FAM193A: variants seen among roughly 807,000 people sequenced by gnomAD.
FAM193A encodes family with sequence similarity 193 member A.
In FAM193A, 22 loss-of-function variants were observed where a neutral mutation model predicts 126.5. That is an observed-to-expected ratio of 0.17 (90% CI 0.12 to 0.25). The LOEUF (loss-of-function observed/expected upper bound fraction) is 0.25, where lower values mean the gene tolerates loss of function less well. FAM193A is among the 10% of genes least tolerant of loss of function. FAM193A has a pLI of 1.00. For synonymous variants in FAM193A, 761 were observed against 646.8 expected, an observed-to-expected ratio of 1.18 and a Z score of -2.68; for missense variants, 1,675 against 1,672.8, an observed-to-expected ratio of 1.00 and a Z score of -0.02.
rs187048054 is a variant in FAM193A at position 2,575,759 on chromosome 4, C to T, written c.256-20325C>T. ...GGGATTACAGACGTGAGCCATCGCGCCCGGCGAGATACTGGGATTGTAACA... is the reference window on the plus strand; with the variant it reads ...GGGATTACAGACGTGAGCCATCGCGTCCGGCGAGATACTGGGATTGTAACA... On this transcript the variant is annotated intron_variant, in intron 1 of 20. Transcript: ENST00000637812. Among the ~76,000 whole-genome samples the T allele has an allele frequency of 1.1e-3, 170 of 152,206 alleles. 5 individuals are homozygous for T. The South Asian group carries it at 0.015, about 13-fold the overall frequency.
chr4:2,629,764 A>G (rs1743356831), intron 4 of FAM193A, among the ~76,000 whole-genome samples: 1 of 152,230 alleles, frequency 6.6e-6, no homozygotes, highest in South Asian at 2.1e-4. Context: ...TTAGGTTTCC[A>G]TCTAGAGGCT....
At chr4:2,570,703 AG>A (rs1215514816) in intron 1 of FAM193A, among the ~76,000 whole-genome samples, 1 of 152,118 alleles carries the variant, frequency 6.6e-6, no homozygotes, top group East Asian at 1.9e-4. Flanking sequence ...GTGTCTCTGT[AG>A]GGGGACCAGT....
intron 13 of FAM193A, among the ~76,000 whole-genome samples, chr4:2,677,604 G>T (rs1228031611): frequency 3.3e-5 from 5 of 151,908 alleles, no homozygotes; most frequent in Non-Finnish European, 7.4e-5. Context: ...AGCCGGGCGT[G>T]GTGGCACGTG....
chr4:2,599,441 A>G (rs569922443), intron 2 of FAM193A, among the ~76,000 whole-genome samples: 82 of 152,288 alleles, frequency 5.4e-4, no homozygotes, highest in African/African-American at 1.9e-3. Flanking sequence ...CTCAGAGTGC[A>G]CGGCTCTCCT....
intron 5 of FAM193A, among the ~76,000 whole-genome samples, chr4:2,636,728 T>C (rs1324289040): frequency 2.0e-5 from 3 of 152,214 alleles, no homozygotes; most frequent in Admixed American, 2.0e-4. Flanking sequence ...AATGCAAATT[T>C]TCTAAAGTTT....
intron 1 of FAM193A, among the ~76,000 whole-genome samples, chr4:2,571,268 G>C (rs1056009105): frequency 6.6e-6 from 1 of 152,292 alleles, no homozygotes; most frequent in East Asian, 1.9e-4. Context: ...TATTGTACAG[G>C]CTGCCCTGTA....
At chr4:2,646,081 T>C (rs17773510) in intron 6 of FAM193A, among the ~76,000 whole-genome samples, 8,271 of 151,762 alleles carry the variant, frequency 0.054, 274 homozygotes, top group African/African-American at 0.085. Context: ...TAAACTGAAT[T>C]GTTAAGTCAT....
intron 20 of FAM193A, among the ~76,000 whole-genome samples, chr4:2,728,811 A>C (rs1258441633): frequency 6.6e-6 from 1 of 151,598 alleles, no homozygotes; most frequent in Non-Finnish European, 1.5e-5. Flanking sequence ...GAAAGTAAAC[A>C]GTTTATTAAA....
intron 2 of FAM193A, among the ~76,000 whole-genome samples, chr4:2,623,961 A>G (rs2108972419): frequency 6.6e-6 from 1 of 152,018 alleles, no homozygotes; most frequent in Admixed American, 6.5e-5. Context: ...AGCACCCTGC[A>G]TCACCCTGTG....
chr4:2,706,582 C>T (rs1718336148), intron 19 of FAM193A, among the ~76,000 whole-genome samples: 1 of 152,058 alleles, frequency 6.6e-6, no homozygotes, highest in Non-Finnish European at 1.5e-5. Context: ...AGGCGTGAGC[C>T]ACCGTTCCCG....
chr4:2,613,900 G>T (rs28843679), intron 2 of FAM193A, among the ~76,000 whole-genome samples: 10,092 of 151,806 alleles, frequency 0.066, 572 homozygotes, highest in African/African-American at 0.15. Context: ...TCAGCTTCCC[G>T]AGTAGCTGGG....
intron 5 of FAM193A, among the ~76,000 whole-genome samples, chr4:2,637,531 A>G (rs1248804169): frequency 6.6e-6 from 1 of 152,202 alleles, no homozygotes. Context: ...CATTCTAAAC[A>G]TCTTCTCTTC....
rs1263432265 is a variant in FAM193A at position 2,626,557 on chromosome 4, A to G, written c.783A>G (p.Gly261=). ...QDQSLVPDKE[G]VKELVDRLCE... ...AGTCTCTGGTGCCTGACAAGGAGGG[A>G]GTGAAGGAGCTCGTGGATAGGTACA... is the stretch of plus-strand genomic sequence containing the variant. Residue 261 remains glycine (G), a synonymous_variant, in exon 4 of 21, where the codon GGA becomes GGG. Coordinates refer to ENST00000637812, the MANE Select transcript of FAM193A (RefSeq NM_001366318.2). 2 of 701,554 alleles carry G rather than the reference A, an allele frequency of 2.9e-6. No individual in the cohort carries two copies. Among genetic ancestry groups the G allele is most frequent in the South Asian group, 1.5e-5 (1 of 67,536 alleles). 43.5% of individuals were successfully genotyped at this position (701,554 alleles called of 1,614,324 possible).
rs1721324207 is a variant in FAM193A, at chr4:2,731,082, G to A, written c.4455-693G>A. ...GTGGTGGTGGGCACCTGTAATCCCA[G>A]CTACTTGGGAGGCTGAGGCAGGAGA... On this transcript the variant is annotated intron_variant, in intron 20 of 20. Transcript: ENST00000637812. 2.0e-5 allele frequency among the ~76,000 whole-genome samples: 3 copies of A among 150,190 alleles called. No homozygotes were observed. The South Asian group carries it at 6.4e-4, about 32-fold the overall frequency.
Position 2,672,101 on chromosome 4 carries a change from T to G in FAM193A, c.2080-20T>G, listed in dbSNP as rs994202604. On this transcript the variant is annotated intron_variant, in intron 12 of 20. Transcript: ENST00000637812. ...TTTATTGTTTCACTAAATAGGTATG[T>G]TTTTTTTCTTTCCTCTTAGGCTGAA... The G allele has an allele frequency of 6.2e-7, 1 of 1,610,692 alleles. No homozygotes were observed. Among genetic ancestry groups the G allele is most frequent in the Non-Finnish European group, 8.5e-7 (1 of 1,177,368 alleles).
intron 2 of FAM193A, among the ~76,000 whole-genome samples, chr4:2,623,659 T>C (rs1383697683): frequency 1.3e-5 from 2 of 152,200 alleles, no homozygotes; most frequent in African/African-American, 4.8e-5. Context: ...GAACAGACCT[T>C]GCCAAGTCCA....
intron 20 of FAM193A, among the ~76,000 whole-genome samples, chr4:2,723,401 C>T (rs1228389339): frequency 1.3e-5 from 2 of 151,874 alleles, no homozygotes; most frequent in Non-Finnish European, 2.9e-5. Context: ...ATGTTGAAAC[C>T]CCCTCTCTAC....
In FAM193A at chr4:2,625,319, G is replaced by T. The variant is rs1446836114; in HGVS notation, c.559G>T (p.Gly187Cys). 1.4e-6 allele frequency: 1 copy of T among 702,940 alleles called. No individual in the cohort carries two copies. Among genetic ancestry groups the T allele is most frequent in the Non-Finnish European group, 2.6e-6 (1 of 385,004 alleles). The allele number at this position is 702,940 out of a possible 1,614,324, so 43.5% of individuals were successfully genotyped here. ...LGGSQPEAGS[G>C]GRLALGAQTL... The stretch of plus-strand genomic sequence containing the variant: ...TGGCTCCCAGCCAGAGGCCGGCAGT[G>T]GTGGGAGGCTCGCTCTGGGTGCACA... The change falls in exon 3 of 21, where the codon GGT (glycine) becomes TGT (cysteine). Residue 187 changes from glycine to cysteine, a missense_variant. This residue lies in a region of FAM193A where 1,186 missense variants were observed against 1,109.2 expected (regional missense o/e 1.07). Transcript: ENST00000637812.
At chr4:2,548,649 G>T (rs1019156775) in intron 1 of FAM193A, among the ~76,000 whole-genome samples, 1 of 151,650 alleles carries the variant, frequency 6.6e-6, no homozygotes, top group Non-Finnish European at 1.5e-5. Flanking sequence ...TAGAGATGGG[G>T]TTTCACCATA....
Sources: allele counts gnomAD v4.1 joint callset (sites outside exome capture counted in the v4.1 genomes callset), GRCh38; gene constraint gnomAD v4.1.1; regional missense constraint gnomAD v4.1.1; transcripts MANE v1.5; gene names NCBI Gene and HGNC (gene_info 2026-07-23, HGNC 2026-07-21).